ST8SIA2: variants seen among roughly 807,000 people sequenced by gnomAD.
ST8SIA2 encodes the protein ST8 alpha-N-acetyl-neuraminide alpha-2,8-sialyltransferase 2, also known as alpha-2,8-sialyltransferase 8B.
Under a neutral mutation model 37.6 loss-of-function variants are expected in ST8SIA2, and 22 were observed. The ratio of observed to expected loss-of-function variants is 0.58; its 90% CI spans 0.42 to 0.83. The LOEUF is 0.83. ST8SIA2 is among the 40% of genes least tolerant of loss of function. The pLI is 0.00. For synonymous variants in ST8SIA2, 205 were observed against 201.2 expected (o/e 1.02, Z -0.16); for missense variants, 382 against 484.7 (o/e 0.79, Z 1.99).
chr15:92,397,148 C>T (rs887910382), intron 1 of ST8SIA2, among the ~76,000 whole-genome samples: 1 of 152,116 alleles, frequency 6.6e-6, no homozygotes, highest in Non-Finnish European at 1.5e-5. Context: ...ATAGAAGGAA[C>T]CTCTTTTGGG....
At chr15:92,411,169 G>A (rs59626402) in intron 1 of ST8SIA2, among the ~76,000 whole-genome samples, 2,500 of 152,268 alleles carry the variant, frequency 0.016, 77 homozygotes, top group African/African-American at 0.056. Context: ...CCTTGAAATT[G>A]TAGGCATTTT....
At chr15:92,455,789 A>G (rs1050495991) in intron 5 of ST8SIA2, among the ~76,000 whole-genome samples, 1 of 152,252 alleles carries the variant, frequency 6.6e-6, no homozygotes, top group Non-Finnish European at 1.5e-5. Context: ...GCTTTTCAGA[A>G]GTCTTTGCCA....
intron 1 of ST8SIA2, among the ~76,000 whole-genome samples, chr15:92,419,813 G>C (rs2049618616): frequency 6.6e-6 from 1 of 152,184 alleles, no homozygotes; most frequent in Non-Finnish European, 1.5e-5. Flanking sequence ...CTGGGATTTT[G>C]AGTGTTAAGG....
At chr15:92,422,622 G>T (rs1302219512) in intron 1 of ST8SIA2, 1 of 152,664 alleles carries the variant, frequency 6.6e-6, no homozygotes, top group Admixed American at 6.5e-5. Flanking sequence ...GAAGATTCTT[G>T]CATTGCCAAA....
intron 4 of ST8SIA2, among the ~76,000 whole-genome samples, chr15:92,439,789 G>C (rs1243937323): frequency 2.6e-5 from 4 of 152,112 alleles, no homozygotes; most frequent in Non-Finnish European, 4.4e-5. Context: ...GTGGAGGGAG[G>C]GTGAGGGGAG....
intron 1 of ST8SIA2, among the ~76,000 whole-genome samples, chr15:92,402,368 T>A (rs2049478024): frequency 6.6e-6 from 1 of 152,072 alleles, no homozygotes; most frequent in South Asian, 2.1e-4. Flanking sequence ...TCTGAGGAGG[T>A]CTATGTTATT....
intron 5 of ST8SIA2, among the ~76,000 whole-genome samples, chr15:92,453,415 C>T (rs576260698): frequency 1.3e-5 from 2 of 152,302 alleles, no homozygotes; most frequent in African/African-American, 2.4e-5. Flanking sequence ...AGAATTAGAA[C>T]CAACTCAACC....
At chr15:92,433,003 G>T (rs866541353) in intron 2 of ST8SIA2, among the ~76,000 whole-genome samples, 2 of 152,148 alleles carry the variant, frequency 1.3e-5, no homozygotes, top group East Asian at 1.9e-4. Context: ...GGTGGCATTC[G>T]CCTGTAATCC....
intron 1 of ST8SIA2, among the ~76,000 whole-genome samples, chr15:92,407,009 G>GAAAAAAAAAAAAAAAAAAA (rs1396143223): frequency 9.5e-6 from 1 of 105,386 alleles, no homozygotes; most frequent in Non-Finnish European, 2.2e-5. Context: ...AAAAAAAAAA[G>GAAAAAAAAAAAAAAAAAAA]AAAAGAAAAA....
chr15:92,401,606 A>G (rs940457405), intron 1 of ST8SIA2, among the ~76,000 whole-genome samples: 3 of 151,962 alleles, frequency 2.0e-5, no homozygotes, highest in South Asian at 2.1e-4. Context: ...TGGGATCCCG[A>G]TTCACTCCCC....
chr15:92,444,597 G>A (rs769486801), intron 4 of ST8SIA2, 39 bp from the exon 5 acceptor site: 1 of 1,614,084 alleles, frequency 6.2e-7, no homozygotes, highest in Admixed American at 1.7e-5. Flanking sequence ...AGGGGTCTCA[G>A]CTTTCCCAAA....
rs2049720827 is a variant in ST8SIA2 at position 92,432,182 on chromosome 15, A to G, written c.162-2065A>G. Reference sequence around the variant, plus strand: ...CCAGTCACTGATTTCTGATGAGTACATCAGCTAGCCTCTTAGTGCGATAAC... The same window carrying G: ...CCAGTCACTGATTTCTGATGAGTACGTCAGCTAGCCTCTTAGTGCGATAAC... On this transcript the variant is annotated intron_variant, in intron 2 of 5. Transcript: ENST00000268164. 2.0e-5 allele frequency among the ~76,000 whole-genome samples: 3 copies of G among 152,168 alleles called. No homozygotes were observed. The South Asian group carries it at 6.2e-4, about 32-fold the overall frequency.
intron 1 of ST8SIA2, among the ~76,000 whole-genome samples, chr15:92,418,492 T>C (rs1422648595): frequency 1.4e-5 from 2 of 144,092 alleles, no homozygotes; most frequent in Non-Finnish European, 3.0e-5. Flanking sequence ...AAGGCTTCGG[T>C]AGAGTGCCTG....
rs139549749 is a variant in ST8SIA2, at chr15:92,448,938, TG to T, written c.842+4018del. 6.3e-3 allele frequency among the ~76,000 whole-genome samples: 955 copies of T among 150,528 alleles called. 14 individuals carry two copies. Among genetic ancestry groups the T allele is most frequent in the African/African-American group, 0.021 (877 of 41,058 alleles). On this transcript the variant is annotated intron_variant, in intron 5 of 5. Coordinates refer to ENST00000268164, the MANE Select transcript of ST8SIA2 (RefSeq NM_006011.4). ...ATAAACCCCCTGTTTATAGGGTATG[TG>T]GGGGGGGGTGTGAATGAACTTTTAT...
At chr15:92,404,553 G>T (rs1476940294) in intron 1 of ST8SIA2, among the ~76,000 whole-genome samples, 1 of 151,954 alleles carries the variant, frequency 6.6e-6, no homozygotes, top group East Asian at 1.9e-4. Flanking sequence ...CAGGTGTGGT[G>T]GCTCACACCT....
In ST8SIA2 at chr15:92,403,636, G is replaced by A. The variant is rs950516645; in HGVS notation, c.98+9474G>A. ...ACCCAGGGTTAATTCACGCCTTCTTGGTAACTGCCAGAGTAGCTTAATAAT... is the reference window on the plus strand; with the variant it reads ...ACCCAGGGTTAATTCACGCCTTCTTAGTAACTGCCAGAGTAGCTTAATAAT... On this transcript the variant is annotated intron_variant, in intron 1 of 5. Transcript: ENST00000268164. Among the ~76,000 whole-genome samples, 9 of 152,140 alleles carry A rather than the reference G, an allele frequency of 5.9e-5. No individual in the cohort carries two copies. The South Asian group carries it at 1.9e-3, about 32-fold the overall frequency.
intron 2 of ST8SIA2, among the ~76,000 whole-genome samples, chr15:92,431,944 ATC>A (rs2049718837): frequency 6.6e-6 from 1 of 152,270 alleles, no homozygotes; most frequent in South Asian, 2.1e-4. Context: ...ACCAGCATTT[ATC>A]TCTCTCCCTT....
chr15:92,439,931 C>A (rs1394961039), intron 4 of ST8SIA2, among the ~76,000 whole-genome samples: 2 of 151,952 alleles, frequency 1.3e-5, no homozygotes, highest in East Asian at 3.9e-4. Context: ...CCAGGAGTGC[C>A]CAGCAGTATC....
At chr15:92,439,532 T>G (rs539325807) in intron 4 of ST8SIA2, among the ~76,000 whole-genome samples, 1 of 152,274 alleles carries the variant, frequency 6.6e-6, no homozygotes, top group South Asian at 2.1e-4. Flanking sequence ...CGTTCTCATA[T>G]TTCTGTGGGG....
Sources: gnomAD v4.1 joint callset for allele counts (sites outside exome capture counted in the v4.1 genomes callset) on GRCh38, gnomAD v4.1.1 for gene constraint, MANE v1.5 for transcripts, NCBI Gene and HGNC (gene_info 2026-07-23, HGNC 2026-07-21) for gene names.